The following SMURF1 variants were observed in gnomAD, a reference collection of about 807,000 sequenced individuals.
SMURF1 encodes the protein SMAD specific E3 ubiquitin protein ligase 1.
Under a neutral mutation model 98.0 loss-of-function variants are expected in SMURF1, and 44 were observed. The observed-to-expected ratio is 0.45, with a 90% CI of 0.35 to 0.58. The LOEUF (loss-of-function observed/expected upper bound fraction) is 0.58. SMURF1 is among the 20% of genes least tolerant of loss of function. SMURF1 has a pLI of 0.00. For missense variants in SMURF1, 687 were observed against 938.4 expected (o/e 0.73, Z 3.50); for synonymous variants, 396 against 374.9 (o/e 1.06, Z -0.65).
intron 1 of SMURF1, among the ~76,000 whole-genome samples, chr7:99,103,798 T>G (rs573234442): frequency 6.6e-6 from 1 of 152,224 alleles, no homozygotes; most frequent in Non-Finnish European, 1.5e-5. Flanking sequence ...ACACAAAACT[T>G]CAAAGAGAAA....
intron 12 of SMURF1, 60 bp from the exon 13 acceptor site, chr7:99,040,616 T>C: frequency 7.4e-7 from 1 of 1,351,748 alleles, no homozygotes; most frequent in Non-Finnish European, 9.6e-7. Flanking sequence ...TGTGGGAATC[T>C]CGTGCTGTCC....
At chr7:99,040,687 G>A (rs1795341895) in intron 12 of SMURF1, 131 bp from the exon 13 acceptor site, 1 of 782,224 alleles carries the variant, frequency 1.3e-6, no homozygotes. Context: ...GGGACTCACA[G>A]GCCCCGCTCC....
In SMURF1 at chr7:99,140,412, C is replaced by T. The variant is rs186776246; in HGVS notation, c.55+3314G>A. Among the ~76,000 whole-genome samples the T allele has an allele frequency of 3.1e-3, 469 of 151,638 alleles. 4 individuals carry two copies. The highest frequency in any genetic ancestry group is 1.6e-3 in the Non-Finnish European group (111 of 67,878). ...AGCCATTCTCCTGCCTCAGCCTACC[C>T]AGTAGCTGGGACTACAGGCGCCCGC... On this transcript the variant is annotated intron_variant, in intron 1 of 17. Coordinates refer to ENST00000361368, the MANE Select transcript of SMURF1 (RefSeq NM_181349.3).
chr7:99,045,991 GACA>G (rs974872093), intron 10 of SMURF1, among the ~76,000 whole-genome samples, 190 bp from the exon 11 acceptor site: 84 of 151,822 alleles, frequency 5.5e-4, no homozygotes, highest in African/African-American at 1.7e-3. Context: ...CTCCCTCTGA[GACA>G]ACAACAAAAC....
chr7:99,119,521 G>A (rs191709528), intron 1 of SMURF1, among the ~76,000 whole-genome samples: 142 of 152,254 alleles, frequency 9.3e-4, no homozygotes, highest in African/African-American at 3.1e-3. Flanking sequence ...ACAGATATTG[G>A]AGTAATTTTA....
At chr7:99,034,220 C>T (rs1000990500) in intron 16 of SMURF1, among the ~76,000 whole-genome samples, 7 of 152,196 alleles carry the variant, frequency 4.6e-5, no homozygotes, top group African/African-American at 1.7e-4. Flanking sequence ...GCCACTCTGC[C>T]CGGGCCACCA....
At chr7:99,054,304 GTTGT>G (rs775397741) in intron 6 of SMURF1, among the ~76,000 whole-genome samples, 43 of 152,046 alleles carry the variant, frequency 2.8e-4, no homozygotes, top group Admixed American at 6.6e-4. Flanking sequence ...CACAACCCCA[GTTGT>G]TTGTTTGTTT....
At chr7:99,050,005 G>A (rs535240103) in intron 8 of SMURF1, 16 of 254,526 alleles carry the variant, frequency 6.3e-5, no homozygotes, top group Admixed American at 1.1e-4. Context: ...TCAGGAATTC[G>A]AGACCAGCCT....
chr7:99,123,116 T>TC (rs927339520), intron 1 of SMURF1, among the ~76,000 whole-genome samples: 4 of 151,610 alleles, frequency 2.6e-5, no homozygotes, highest in African/African-American at 9.7e-5. Flanking sequence ...TATTTTTTTT[T>TC]TAGTAAAACT....
chr7:99,042,611 T>C (rs1350833351), intron 11 of SMURF1, among the ~76,000 whole-genome samples: 1 of 152,224 alleles, frequency 6.6e-6, no homozygotes, highest in Admixed American at 6.5e-5. Flanking sequence ...AATGTTTGCA[T>C]CATTTTATTA....
At chr7:99,082,440 C>G (rs1191927246) in intron 1 of SMURF1, among the ~76,000 whole-genome samples, 1 of 152,222 alleles carries the variant, frequency 6.6e-6, no homozygotes, top group Non-Finnish European at 1.5e-5. Context: ...TGTATATCCA[C>G]TTGTTCCAGG....
chr7:99,038,313 C>T (rs942034536), intron 14 of SMURF1, 75 bp downstream of exon 14: 25 of 1,551,660 alleles, frequency 1.6e-5, no homozygotes, highest in South Asian at 9.7e-5. Context: ...CCTCACACAG[C>T]GAAGGAGCTA....
chr7:99,095,138 G>A (rs1796923390), intron 1 of SMURF1, among the ~76,000 whole-genome samples: 2 of 152,148 alleles, frequency 1.3e-5, no homozygotes, highest in Non-Finnish European at 2.9e-5. Context: ...AGAGTGCAAT[G>A]GCGCGATCTC....
chr7:99,117,646 C>T lies in SMURF1; in HGVS notation c.55+26080G>A, dbSNP rs549812413. ...GATTACAGGCGTGAGCCACTGCACCCGGCCACAACAAAATTTAAAAATAAA... is the reference window on the plus strand; with the variant it reads ...GATTACAGGCGTGAGCCACTGCACCTGGCCACAACAAAATTTAAAAATAAA... On this transcript the variant is annotated intron_variant, in intron 1 of 17. Coordinates refer to ENST00000361368, the MANE Select transcript of SMURF1 (RefSeq NM_181349.3). 3.3e-5 allele frequency among the ~76,000 whole-genome samples: 5 copies of T among 151,540 alleles called. No individual in the cohort carries two copies. The South Asian group carries it at 6.3e-4, about 19-fold the overall frequency.
At chr7:99,063,257 A>AAGATT (rs1796092085) in intron 1 of SMURF1, among the ~76,000 whole-genome samples, 6 of 5,564 alleles carry the variant, frequency 1.1e-3, no homozygotes, top group East Asian at 4.5e-3. Context: ...ATATATATAT[A>AAGATT]TATATATATA....
At chr7:99,042,047 G>T in intron 12 of SMURF1, 71 bp downstream of exon 12, 2 of 1,218,024 alleles carry the variant, frequency 1.6e-6, no homozygotes, top group East Asian at 2.3e-5. Context: ...CAAGGACTGA[G>T]AATGAAACTG....
At chr7:99,049,139 C>G (rs994235192) in intron 9 of SMURF1, 1 of 159,902 alleles carries the variant, frequency 6.3e-6, no homozygotes, top group Non-Finnish European at 1.4e-5. Flanking sequence ...TCTGAGAACA[C>G]GACAGGCCTG....
intron 1 of SMURF1, among the ~76,000 whole-genome samples, chr7:99,140,503 G>T (rs1032513680): frequency 1.4e-4 from 22 of 152,124 alleles, no homozygotes; most frequent in African/African-American, 5.1e-4. Flanking sequence ...AGTCAGGATG[G>T]TCTCAATCTC....
intron 1 of SMURF1, among the ~76,000 whole-genome samples, chr7:99,084,243 C>T (rs186394928): frequency 2.8e-4 from 42 of 152,238 alleles, no homozygotes; most frequent in Admixed American, 2.7e-3. Context: ...TCTATATTAC[C>T]TTGAATTATT....
Sources: allele counts gnomAD v4.1 joint callset (sites outside exome capture counted in the v4.1 genomes callset), GRCh38; gene constraint gnomAD v4.1.1; transcripts MANE v1.5; gene names NCBI Gene and HGNC (gene_info 2026-07-23, HGNC 2026-07-21).